The following KCNK2 variants were observed in gnomAD, a reference collection of about 807,000 sequenced individuals.
The protein encoded by KCNK2 is potassium two pore domain channel subfamily K member 2.
In KCNK2, 21 loss-of-function variants were observed where a neutral mutation model predicts 40.5. The observed-to-expected ratio is 0.52, with a 90% confidence interval of 0.37 to 0.75. The LOEUF (loss-of-function observed/expected upper bound fraction) is 0.75. KCNK2 is among the 30% of genes least tolerant of loss of function. The pLI is 0.00. For missense variants in KCNK2, 399 were observed against 531.6 expected (o/e 0.75, Z 2.45); for synonymous variants, 191 against 202.2 (o/e 0.94, Z 0.47).
At chr1:215,190,208 C>G (rs1416648) in intron 5 of KCNK2, among the ~76,000 whole-genome samples, 150,748 of 152,238 alleles carry the variant, frequency 0.99, 74,658 homozygotes, top group East Asian at 1. Context: ...TCTTTAGCAT[C>G]GAAGAGGGCC....
At chr1:215,097,150 G>A (rs1660011828) in intron 2 of KCNK2, among the ~76,000 whole-genome samples, 1 of 151,588 alleles carries the variant, frequency 6.6e-6, no homozygotes, top group East Asian at 1.9e-4. Flanking sequence ...CTTAGCTGGT[G>A]GATAATGGTA....
chr1:215,007,023 ATATATATATATATATGTG>A (rs1656155310), intron 1 of KCNK2, among the ~76,000 whole-genome samples: 1 of 25,846 alleles, frequency 3.9e-5, no homozygotes, highest in African/African-American at 8.0e-5. Context: ...ATATATATAT[ATATATATATATATATGTG>A]TGTGTGTGTA....
chr1:215,144,982 A>G (rs190537838), intron 3 of KCNK2, among the ~76,000 whole-genome samples: 1 of 152,224 alleles, frequency 6.6e-6, no homozygotes, highest in African/African-American at 2.4e-5. Flanking sequence ...ATTTGACTGA[A>G]TATCAAGTAG....
chr1:215,033,647 T>A (rs952997201), intron 1 of KCNK2, among the ~76,000 whole-genome samples: 1 of 152,142 alleles, frequency 6.6e-6, no homozygotes, highest in Non-Finnish European at 1.5e-5. Flanking sequence ...CCCCATTAGA[T>A]GGGACAGGAT....
intron 1 of KCNK2, among the ~76,000 whole-genome samples, chr1:215,070,005 G>C (rs951837993): frequency 6.6e-6 from 1 of 152,118 alleles, no homozygotes; most frequent in African/African-American, 2.4e-5. Context: ...AAAAATATTT[G>C]CATACTCATG....
At chr1:215,151,124 CATT>C (rs1662669028) in intron 3 of KCNK2, among the ~76,000 whole-genome samples, 1 of 151,984 alleles carries the variant, frequency 6.6e-6, no homozygotes, top group African/African-American at 2.4e-5. Context: ...TCTTTTCTCT[CATT>C]ATTTTGCTAT....
At chr1:215,118,776 TTATACA>T (rs1661056099) in intron 2 of KCNK2, among the ~76,000 whole-genome samples, 1 of 152,082 alleles carries the variant, frequency 6.6e-6, no homozygotes, top group African/African-American at 2.4e-5. Context: ...ATCGAACCAG[TTATACA>T]TATATCATTG....
intron 1 of KCNK2, among the ~76,000 whole-genome samples, chr1:215,036,377 A>G (rs983407843): frequency 3.3e-5 from 5 of 152,004 alleles, no homozygotes; most frequent in South Asian, 2.1e-4. Flanking sequence ...TTGAACTTCT[A>G]TTCTGTTCCA....
intron 3 of KCNK2, among the ~76,000 whole-genome samples, chr1:215,168,004 A>G (rs1663523536): frequency 1.3e-5 from 2 of 152,190 alleles, no homozygotes; most frequent in Non-Finnish European, 2.9e-5. Context: ...ATCTACAAGG[A>G]ACTTAAACAC....
At chr1:215,203,490 AT>A (rs760234671) in intron 6 of KCNK2, among the ~76,000 whole-genome samples, 3 of 152,226 alleles carry the variant, frequency 2.0e-5, no homozygotes, top group Non-Finnish European at 4.4e-5. Context: ...ATAAATTAAT[AT>A]CAAATTATCT....
At chr1:215,089,045 A>G (rs1458147589) in intron 2 of KCNK2, among the ~76,000 whole-genome samples, 1 of 152,252 alleles carries the variant, frequency 6.6e-6, no homozygotes. Context: ...AAGGATCAAG[A>G]TTAGTGTGTA....
intron 1 of KCNK2, among the ~76,000 whole-genome samples, chr1:215,026,057 G>C (rs1656988799): frequency 6.6e-6 from 1 of 151,718 alleles, no homozygotes; most frequent in Non-Finnish European, 1.5e-5. Flanking sequence ...TAGGGTTAAA[G>C]TGATCATTTA....
chr1:215,153,558 G>A (rs1479278246), intron 3 of KCNK2, among the ~76,000 whole-genome samples: 3 of 104,754 alleles, frequency 2.9e-5, no homozygotes, highest in African/African-American at 7.5e-5. Context: ...TCGATATATA[G>A]CGTTGTTATA....
chr1:215,227,433 A>T (rs975446844), intron 6 of KCNK2, among the ~76,000 whole-genome samples: 1 of 152,200 alleles, frequency 6.6e-6, no homozygotes, highest in Non-Finnish European at 1.5e-5. Context: ...GAGAGAGAAG[A>T]ATTTTGAGGA....
chr1:215,007,424 G>A (rs1205447591), intron 1 of KCNK2, among the ~76,000 whole-genome samples: 1 of 151,374 alleles, frequency 6.6e-6, no homozygotes, highest in Non-Finnish European at 1.5e-5. Flanking sequence ...AAGATCAAAA[G>A]GCTCTTGGAG....
chr1:215,161,233 G>A (rs1663180475), intron 3 of KCNK2, among the ~76,000 whole-genome samples: 1 of 152,010 alleles, frequency 6.6e-6, no homozygotes, highest in African/African-American at 2.4e-5. Context: ...TCCTTTATCT[G>A]CTGCAACTCT....
intron 6 of KCNK2, among the ~76,000 whole-genome samples, chr1:215,217,328 A>G (rs182453735): frequency 2.5e-4 from 38 of 152,314 alleles, no homozygotes; most frequent in South Asian, 1.7e-3. Flanking sequence ...ATTTTCCTGG[A>G]TCTGCTTAAA....
chr1:215,048,585 G>C (rs1295219186), intron 1 of KCNK2, among the ~76,000 whole-genome samples: 1 of 152,156 alleles, frequency 6.6e-6, no homozygotes, highest in Non-Finnish European at 1.5e-5. Context: ...AAAAAGGCTT[G>C]TATGAATTTT....
chr1:215,211,674 A>G (rs577231519), intron 6 of KCNK2, among the ~76,000 whole-genome samples: 1 of 152,284 alleles, frequency 6.6e-6, no homozygotes, highest in South Asian at 2.1e-4. Context: ...GTTGAATTGA[A>G]TGGATGAATG....
Sources: allele counts gnomAD v4.1 joint callset (sites outside exome capture counted in the v4.1 genomes callset), GRCh38; gene constraint gnomAD v4.1.1; transcripts MANE v1.5; gene names NCBI Gene and HGNC (gene_info 2026-07-23, HGNC 2026-07-21).